PRIM2: variants seen among roughly 807,000 people sequenced by gnomAD.
PRIM2 encodes DNA primase large subunit.
A neutral mutation model predicts 67.3 loss-of-function variants in PRIM2; 39 were observed. The observed-to-expected ratio is 0.58, with a 90% CI of 0.45 to 0.76. PRIM2 has a LOEUF of 0.76. Ranked by LOEUF, PRIM2 falls within the 30% of genes least tolerant of loss-of-function variation. The pLI is 0.00. For synonymous variants in PRIM2, 143 were observed against 198.7 expected, an observed-to-expected ratio of 0.72 and a Z score of 2.36; for missense variants, 398 against 598.7, an observed-to-expected ratio of 0.66 and a Z score of 3.50.
chr6:57,453,185 G>A (rs1020955803), intron 7 of PRIM2, among the ~76,000 whole-genome samples: 1 of 152,238 alleles, frequency 6.6e-6, no homozygotes, highest in South Asian at 2.1e-4. Flanking sequence ...TTTGGTTACT[G>A]TAGCCTTGTA....
At chr6:57,527,245 G>A (rs1410920691) in intron 8 of PRIM2, among the ~76,000 whole-genome samples, 5 of 152,082 alleles carry the variant, frequency 3.3e-5, no homozygotes, top group Admixed American at 3.3e-4. Flanking sequence ...ATCAAAACTT[G>A]TATTTTCATA....
At chr6:57,481,025 G>T (rs1773612861) in intron 7 of PRIM2, among the ~76,000 whole-genome samples, 1 of 152,156 alleles carries the variant, frequency 6.6e-6, no homozygotes, top group Admixed American at 6.5e-5. Flanking sequence ...TTCATAGAAA[G>T]TTGCAAATGT....
chr6:57,566,336 A>T (rs1421478440), intron 10 of PRIM2, among the ~76,000 whole-genome samples: 27 of 152,068 alleles, frequency 1.8e-4, no homozygotes, highest in Non-Finnish European at 3.1e-4. Flanking sequence ...TGTTTTGTTA[A>T]GTTCTTCAAC....
chr6:57,457,901 A>G (rs1772860124), intron 7 of PRIM2, among the ~76,000 whole-genome samples: 1 of 152,016 alleles, frequency 6.6e-6, no homozygotes, highest in African/African-American at 2.4e-5. Flanking sequence ...TATAGACTGG[A>G]GCTGTTCCTA....
chr6:57,242,324 T>C, the PRIM2 span, among the ~76,000 whole-genome samples: 3 of 152,334 alleles, frequency 2.0e-5, no homozygotes, highest in East Asian at 5.8e-4. Flanking sequence ...TACATTTATT[T>C]TGTGTTTGAA....
At chr6:57,286,259 T>A in the PRIM2 span, among the ~76,000 whole-genome samples, 1 of 152,126 alleles carries the variant, frequency 6.6e-6, no homozygotes, top group Non-Finnish European at 1.5e-5. Flanking sequence ...AAAAACTACT[T>A]TACATTTCAT....
At chr6:57,608,796 G>A (rs1360668697) in intron 12 of PRIM2, among the ~76,000 whole-genome samples, 4 of 152,030 alleles carry the variant, frequency 2.6e-5, no homozygotes, top group Non-Finnish European at 5.9e-5. Flanking sequence ...TCATTTCCTG[G>A]TTTAAGACCT....
intron 5 of PRIM2, among the ~76,000 whole-genome samples, chr6:57,358,328 T>A (rs1769097720): frequency 6.6e-6 from 1 of 152,204 alleles, no homozygotes; most frequent in Non-Finnish European, 1.5e-5. Flanking sequence ...AGGCAGACTT[T>A]GAGTGGGAAA....
chr6:57,461,273 T>G, intron 7 of PRIM2, among the ~76,000 whole-genome samples: 1 of 152,150 alleles, frequency 6.6e-6, no homozygotes, highest in Non-Finnish European at 1.5e-5. Context: ...GTCTTGTTGT[T>G]TAGCTGTCAG....
intron 8 of PRIM2, among the ~76,000 whole-genome samples, chr6:57,530,763 C>T (rs1475186976): frequency 2.6e-4 from 40 of 151,688 alleles, no homozygotes; most frequent in African/African-American, 9.0e-4. Flanking sequence ...CAGGGTGGAG[C>T]ATGATCTCAG....
chr6:57,417,991 A>G (rs1771326437), intron 7 of PRIM2, among the ~76,000 whole-genome samples: 1 of 152,222 alleles, frequency 6.6e-6, no homozygotes, highest in African/African-American at 2.4e-5. Context: ...ATAAATCATT[A>G]TTTTAACAGG....
At chr6:57,425,301 G>A (rs9396296) in intron 7 of PRIM2, among the ~76,000 whole-genome samples, 96,208 of 151,928 alleles carry the variant, frequency 0.63, 30,712 homozygotes, top group South Asian at 0.72. Context: ...GCAGTGGCGC[G>A]ATCTTGGCTC....
chr6:57,277,674 T>G, the PRIM2 span, among the ~76,000 whole-genome samples: 1 of 152,036 alleles, frequency 6.6e-6, no homozygotes. Context: ...CAGTGTCAGT[T>G]CATTAGCATA....
upstream of PRIM2, among the ~76,000 whole-genome samples, chr6:57,316,395 G>A (rs576606274): frequency 6.6e-6 from 1 of 152,322 alleles, no homozygotes; most frequent in African/African-American, 2.4e-5. Context: ...CTGGGCGACA[G>A]AACAAGACTC....
chr6:57,614,868 A>ATG (rs1213223575), intron 12 of PRIM2, among the ~76,000 whole-genome samples: 1,661 of 149,692 alleles, frequency 0.011, 14 homozygotes, highest in Middle Eastern at 0.062. Context: ...ATATATATGT[A>ATG]TGTGTGTGTG....
intron 7 of PRIM2, among the ~76,000 whole-genome samples, chr6:57,501,781 G>A (rs1554346901): frequency 0.015 from 2,260 of 152,188 alleles, 60 homozygotes; most frequent in African/African-American, 0.051. Context: ...AAATAACAAG[G>A]CTATTTCTTT....
intron 7 of PRIM2, chr6:57,497,545 A>C (rs1467076393): frequency 2.0e-5 from 3 of 152,144 alleles, no homozygotes; most frequent in African/African-American, 7.2e-5. Flanking sequence ...CAGACCCCTG[A>C]ACTGGAAATA....
chr6:57,618,708 C>T (rs1315455795), intron 12 of PRIM2, among the ~76,000 whole-genome samples: 4 of 152,146 alleles, frequency 2.6e-5, no homozygotes, highest in Non-Finnish European at 5.9e-5. Flanking sequence ...CCATAATCCT[C>T]CTAGGTGCAC....
At chr6:57,304,284 T>C in the PRIM2 span, among the ~76,000 whole-genome samples, 1 of 152,146 alleles carries the variant, frequency 6.6e-6, no homozygotes, top group East Asian at 1.9e-4. Flanking sequence ...AATCAATTGG[T>C]TGCAGAAATC....
Sources: allele counts gnomAD v4.1 joint callset (sites outside exome capture counted in the v4.1 genomes callset), GRCh38; gene constraint gnomAD v4.1.1; transcripts MANE v1.5; gene names NCBI Gene and HGNC (gene_info 2026-07-23, HGNC 2026-07-21).